RASGRF1: variants seen among roughly 807,000 people sequenced by gnomAD.
The protein encoded by RASGRF1 is ras-specific guanine nucleotide-releasing factor 1.
In RASGRF1, 40 loss-of-function variants were observed where a neutral mutation model predicts 138.7. The ratio of observed to expected loss-of-function variants is 0.29; its 90% CI spans 0.22 to 0.38. RASGRF1 has a LOEUF of 0.38. Ranked by LOEUF, RASGRF1 falls within the 10% of genes least tolerant of loss-of-function variation. The pLI is 1.00. For missense variants in RASGRF1, 1,108 were observed against 1,650.4 expected, an observed-to-expected ratio of 0.67 and a Z score of 5.69; for synonymous variants, 614 against 663.2, an observed-to-expected ratio of 0.93 and a Z score of 1.14.
At chr15:78,974,578 C>T (rs767224077) in intron 24 of RASGRF1, among the ~76,000 whole-genome samples, 2 of 152,154 alleles carry the variant, frequency 1.3e-5, no homozygotes, top group Non-Finnish European at 2.9e-5. Context: ...TTTACAGGCA[C>T]GATATTAAAT....
Position 79,090,681 on chromosome 15 carries a change from T to A in RASGRF1, c.-183A>T, listed in dbSNP as rs1178902798. On this transcript the variant is annotated 5_prime_UTR_variant, in exon 1 of 27. Coordinates refer to ENST00000558480, the MANE Select transcript of RASGRF1 (RefSeq NM_001145648.3). The stretch of plus-strand genomic sequence containing the variant: ...CGAGCCGCGGCTTCTTGAATCCAGA[T>A]ATACCATTCCCCGCTGGAACCTCTT... 3 of 793,428 alleles carry A rather than the reference T, an allele frequency of 3.8e-6. No individual in the cohort carries two copies. The highest frequency in any genetic ancestry group is 5.8e-6 in the Non-Finnish European group (3 of 516,618). The allele number at this position is 793,428 out of a possible 1,614,324, so 49.1% of individuals were successfully genotyped here.
chr15:79,067,357 C>T (rs917792144), intron 1 of RASGRF1, among the ~76,000 whole-genome samples: 1 of 152,188 alleles, frequency 6.6e-6, no homozygotes, highest in African/African-American at 2.4e-5. Context: ...AGGTTCTTTG[C>T]ACACACCACC....
rs757700380 is a variant in RASGRF1, at chr15:79,090,627, C to T, written c.-129G>A. On this transcript the variant is annotated 5_prime_UTR_variant, in exon 1 of 27. Transcript: ENST00000558480. ...CGCTCCCTCTAGCTCTCCCCTCCCC[C>T]CAAATATCTACACTCCAGGATCTGG... is the stretch of plus-strand genomic sequence containing the variant. 8 of 1,306,514 alleles carry T rather than the reference C, an allele frequency of 6.1e-6. No individual in the cohort carries two copies. The highest frequency in any genetic ancestry group is 7.3e-6 in the Non-Finnish European group (7 of 952,398). 80.9% of individuals were successfully genotyped at this position (1,306,514 alleles called of 1,614,324 possible).
intron 24 of RASGRF1, chr15:78,978,929 C>A (rs1033926818): frequency 1.6e-6 from 2 of 1,275,272 alleles, no homozygotes; most frequent in South Asian, 1.3e-5. Flanking sequence ...GACACTTACA[C>A]GGGCCCACAG....
rs753903472 is a variant in RASGRF1, at chr15:78,980,664, C to T, written c.3450G>A (p.Val1150=). 2 of 1,608,138 alleles carry T rather than the reference C, an allele frequency of 1.2e-6. No homozygotes were observed. Among genetic ancestry groups the T allele is most frequent in the South Asian group, 2.2e-5 (2 of 90,712 alleles). Residue 1150 remains valine (V), a synonymous_variant, in exon 24 of 27, where the codon GTG becomes GTA. Coordinates refer to ENST00000558480, the MANE Select transcript of RASGRF1 (RefSeq NM_001145648.3). ...GATTCTTAAATCTGCCCTCAGATGA[C>T]ACAAGCTTTTGGAGCTTATCAATCA... The part of the protein sequence containing the change: ...KALIDKLQKL[V]SSEGRFKNLR...
intron 13 of RASGRF1, among the ~76,000 whole-genome samples, chr15:79,008,860 C>T (rs1401449172): frequency 6.6e-6 from 1 of 152,212 alleles, no homozygotes; most frequent in Non-Finnish European, 1.5e-5. Context: ...ATGTGCAGCG[C>T]TCCGGAAAGA....
At chr15:79,065,843 C>T (rs1595958134) in intron 1 of RASGRF1, among the ~76,000 whole-genome samples, 1 of 151,138 alleles carries the variant, frequency 6.6e-6, no homozygotes, top group Non-Finnish European at 1.5e-5. Flanking sequence ...CTAATTTTAG[C>T]TTCTGCTGAC....
chr15:78,992,453 G>A (rs1347167676), intron 20 of RASGRF1, among the ~76,000 whole-genome samples: 2 of 152,228 alleles, frequency 1.3e-5, no homozygotes, highest in Non-Finnish European at 2.9e-5. Context: ...TGGTGGCCAC[G>A]GCAGGAGATG....
intron 21 of RASGRF1, among the ~76,000 whole-genome samples, chr15:78,991,379 G>A (rs1276897689): frequency 6.6e-6 from 1 of 152,190 alleles, no homozygotes; most frequent in Non-Finnish European, 1.5e-5. Flanking sequence ...TTGCCTGTGT[G>A]CACAGTTTCT....
intron 2 of RASGRF1, among the ~76,000 whole-genome samples, chr15:79,063,289 G>A (rs751685197): frequency 1.3e-5 from 2 of 152,138 alleles, no homozygotes; most frequent in Non-Finnish European, 2.9e-5. Context: ...TAGCTAGAAT[G>A]GATACCCCTT....
intron 1 of RASGRF1, among the ~76,000 whole-genome samples, chr15:79,075,324 G>A (rs983643094): frequency 3.4e-4 from 51 of 152,202 alleles, no homozygotes; most frequent in African/African-American, 1.2e-3. Flanking sequence ...TGGAGGAAAT[G>A]TTCTGGAACC....
intron 26 of RASGRF1, among the ~76,000 whole-genome samples, chr15:78,966,096 C>A (rs1163587473): frequency 1.3e-5 from 2 of 152,106 alleles, no homozygotes; most frequent in African/African-American, 4.8e-5. Context: ...GTGGCTTAGG[C>A]CTGATTCCCT....
chr15:78,975,191 G>A (rs1293223484), intron 24 of RASGRF1, among the ~76,000 whole-genome samples: 1 of 152,186 alleles, frequency 6.6e-6, no homozygotes, highest in African/African-American at 2.4e-5. Flanking sequence ...AACGGTTCAA[G>A]ACCAGCCTGA....
intron 26 of RASGRF1, among the ~76,000 whole-genome samples, chr15:78,966,207 C>G (rs991649881): frequency 1.3e-5 from 2 of 151,314 alleles, no homozygotes; most frequent in African/African-American, 4.9e-5. Flanking sequence ...GTTTCCCTAC[C>G]AGACCATGAG....
chr15:78,999,602 C>T, intron 17 of RASGRF1, 141 bp downstream of exon 17: 1 of 1,005,548 alleles, frequency 9.9e-7, no homozygotes, highest in Non-Finnish European at 1.4e-6. Context: ...AGGGTGGGTG[C>T]TTTAACAGGA....
intron 3 of RASGRF1, among the ~76,000 whole-genome samples, chr15:79,055,994 G>A (rs763384637): frequency 2.0e-5 from 3 of 152,224 alleles, no homozygotes; most frequent in Admixed American, 6.5e-5. Flanking sequence ...CACACATGGA[G>A]CCTGCTCTCA....
intron 26 of RASGRF1, among the ~76,000 whole-genome samples, chr15:78,968,304 C>T (rs1287327859): frequency 7.5e-6 from 1 of 134,028 alleles, no homozygotes; most frequent in East Asian, 2.2e-4. Context: ...CAAAGCCTCA[C>T]TCTGCTGCCC....
chr15:79,040,136 G>T (rs755944007), intron 5 of RASGRF1, among the ~76,000 whole-genome samples: 1 of 151,962 alleles, frequency 6.6e-6, no homozygotes, highest in Non-Finnish European at 1.5e-5. Flanking sequence ...CTGACCTCGG[G>T]TCTACCCCAC....
At chr15:79,029,643 T>G (rs1189431858) in intron 8 of RASGRF1, among the ~76,000 whole-genome samples, 1 of 152,112 alleles carries the variant, frequency 6.6e-6, no homozygotes, top group East Asian at 1.9e-4. Context: ...GAAGGCCCAG[T>G]CCCCAGAGGT....
Sources: gnomAD v4.1 joint callset for allele counts (sites outside exome capture counted in the v4.1 genomes callset) on GRCh38, gnomAD v4.1.1 for gene constraint, MANE v1.5 for transcripts, NCBI Gene and HGNC (gene_info 2026-07-23, HGNC 2026-07-21) for gene names.